DYNC1I1: variants seen among roughly 807,000 people sequenced by gnomAD.
The protein encoded by DYNC1I1 is cytoplasmic dynein 1 intermediate chain 1.
Under a neutral mutation model 86.6 loss-of-function variants are expected in DYNC1I1, and 43 were observed. That is an observed-to-expected ratio of 0.50 (90% CI 0.39 to 0.64). The LOEUF is 0.64. Ranked by LOEUF, DYNC1I1 falls within the 30% of genes least tolerant of loss-of-function variation. The probability of loss-of-function intolerance (pLI) is 0.00; values close to 1 mark genes in which losing one functional copy is unlikely to be tolerated. For missense variants in DYNC1I1, 604 were observed against 788.8 expected, an observed-to-expected ratio of 0.77 and a Z score of 2.81; for synonymous variants, 262 against 283.7, an observed-to-expected ratio of 0.92 and a Z score of 0.77.
Position 95,921,075 on chromosome 7 carries a change from C to G in DYNC1I1, c.490+51077C>G, listed in dbSNP as rs556985658. 1.4e-4 allele frequency among the ~76,000 whole-genome samples: 22 copies of G among 152,276 alleles called. No individual in the cohort carries two copies. The East Asian group carries it at 4.0e-3, about 28-fold the overall frequency. ...GTGCACATTGCTATTAATGTTACAG[C>G]TATGTTCATAAAACCAAGATTGTTA... On this transcript the variant is annotated intron_variant, in intron 6 of 16. Coordinates refer to ENST00000447467, the MANE Select transcript of DYNC1I1 (RefSeq NM_001135556.2).
At chr7:95,824,363 G>A (rs1010450244) in intron 4 of DYNC1I1, among the ~76,000 whole-genome samples, 2 of 151,928 alleles carry the variant, frequency 1.3e-5, no homozygotes, top group African/African-American at 4.8e-5. Flanking sequence ...CTCTGTTACA[G>A]TATTTTGTAT....
At chr7:95,881,811 T>G (rs1725801360) in intron 6 of DYNC1I1, among the ~76,000 whole-genome samples, 3 of 152,246 alleles carry the variant, frequency 2.0e-5, no homozygotes. Flanking sequence ...CCTGATTAAG[T>G]AAGCAGTTTG....
chr7:95,882,414 C>T (rs79679177), intron 6 of DYNC1I1, among the ~76,000 whole-genome samples: 3,648 of 152,146 alleles, frequency 0.024, 120 homozygotes, highest in African/African-American at 0.075. Flanking sequence ...AGAGATGCAC[C>T]ATATTTCTTA....
At chr7:96,081,899 A>G (rs1584307066) in intron 16 of DYNC1I1, among the ~76,000 whole-genome samples, 1 of 121,726 alleles carries the variant, frequency 8.2e-6, no homozygotes, top group Admixed American at 9.0e-5. Flanking sequence ...TCTATTCTGG[A>G]TGCATAATTC....
intron 16 of DYNC1I1, among the ~76,000 whole-genome samples, chr7:96,105,646 C>A (rs1258071509): frequency 6.6e-6 from 1 of 152,134 alleles, no homozygotes; most frequent in Non-Finnish European, 1.5e-5. Flanking sequence ...GTTTTAGTAA[C>A]ATGATTATGC....
chr7:96,014,978 A>G (rs1794367274), intron 10 of DYNC1I1, among the ~76,000 whole-genome samples: 1 of 152,048 alleles, frequency 6.6e-6, no homozygotes, highest in South Asian at 2.1e-4. Context: ...GGATCATTGA[A>G]CACCTTCCTT....
At chr7:96,061,060 C>T (rs140004728) in intron 14 of DYNC1I1, among the ~76,000 whole-genome samples, 22 of 152,178 alleles carry the variant, frequency 1.4e-4, no homozygotes, top group Non-Finnish European at 2.4e-4. Context: ...AGACCCTTTG[C>T]GAGGAGAGAG....
intron 14 of DYNC1I1, among the ~76,000 whole-genome samples, chr7:96,043,785 A>G (rs1340451747): frequency 6.6e-6 from 1 of 151,812 alleles, no homozygotes; most frequent in East Asian, 1.9e-4. Context: ...ATCTCGGCTC[A>G]CTGCAACCTC....
At chr7:96,018,139 G>A (rs1794446340) in intron 10 of DYNC1I1, among the ~76,000 whole-genome samples, 2 of 152,184 alleles carry the variant, frequency 1.3e-5, no homozygotes, top group Non-Finnish European at 2.9e-5. Flanking sequence ...ACTGTAACAG[G>A]CAGGGAGCCC....
chr7:95,867,880 G>A (rs1790055451), intron 5 of DYNC1I1, among the ~76,000 whole-genome samples: 1 of 152,230 alleles, frequency 6.6e-6, no homozygotes, highest in Non-Finnish European at 1.5e-5. Flanking sequence ...GTCCTGCAAT[G>A]TCTTTTCATG....
rs1794915604 is a variant in DYNC1I1 at position 95,814,993 on chromosome 7, G to GC, written c.314+1656_314+1657insC. 3.9e-5 allele frequency among the ~76,000 whole-genome samples: 6 copies of GC among 152,012 alleles called. No homozygotes were observed. The South Asian group carries it at 1.2e-3, about 32-fold the overall frequency. ...ACAATATAATCACATTTCTTGGGGG[G>GC]GGTCCATTGGCCTATCATTAAGTTA... On this transcript the variant is annotated intron_variant, in intron 4 of 16. Coordinates refer to ENST00000447467, the MANE Select transcript of DYNC1I1 (RefSeq NM_001135556.2).
At chr7:95,888,224 C>T (rs1393399248) in intron 6 of DYNC1I1, among the ~76,000 whole-genome samples, 1 of 152,044 alleles carries the variant, frequency 6.6e-6, no homozygotes, top group Non-Finnish European at 1.5e-5. Context: ...ATTGCTTGAG[C>T]CCAGGAATTC....
chr7:95,958,997 AG>A (rs1037101606), intron 6 of DYNC1I1, among the ~76,000 whole-genome samples: 12 of 152,190 alleles, frequency 7.9e-5, no homozygotes, highest in Admixed American at 6.5e-5. Context: ...AATCAAACTG[AG>A]GGGTCAGGGT....
At chr7:95,960,039 G>T (rs552359671) in intron 6 of DYNC1I1, among the ~76,000 whole-genome samples, 1 of 152,320 alleles carries the variant, frequency 6.6e-6, no homozygotes, top group African/African-American at 2.4e-5. Flanking sequence ...GATCACAGGA[G>T]ATCATATATT....
In DYNC1I1 at chr7:96,098,217, A is replaced by G. The variant is rs1350773296; in HGVS notation, c.*624A>G. On this transcript the variant is annotated 3_prime_UTR_variant, in exon 17 of 17. Transcript: ENST00000447467. ...ATATTAAGTTCCACATAGCAATTACAGTATGCCAGTTCCACTGAAGACATG... is the reference window on the plus strand; with the variant it reads ...ATATTAAGTTCCACATAGCAATTACGGTATGCCAGTTCCACTGAAGACATG... 1.0e-5 allele frequency: 10 copies of G among 985,812 alleles called. No homozygotes were observed. The African/African-American group carries it at 1.7e-4, about 17-fold the overall frequency. 61.1% of individuals were successfully genotyped at this position (985,812 alleles called of 1,614,324 possible). A position where few individuals can be genotyped will look rare whatever the true frequency, so the allele number is the denominator to read the frequency against.
intron 10 of DYNC1I1, 56 bp from the exon 11 acceptor site, chr7:96,028,119 G>C: frequency 3.8e-6 from 6 of 1,578,442 alleles, no homozygotes; most frequent in Non-Finnish European, 5.2e-6. Context: ...GAAGAAACAA[G>C]TCACCTACAA....
chr7:95,918,884 A>G (rs936939685), intron 6 of DYNC1I1, among the ~76,000 whole-genome samples: 17 of 152,340 alleles, frequency 1.1e-4, no homozygotes, highest in Admixed American at 5.9e-4. Context: ...CCCAGAATTC[A>G]TGACTTTTCC....
In DYNC1I1 at chr7:95,977,508, C is replaced by T. The variant is rs546530856; in HGVS notation, c.491-4C>T. ...TATTGTATTTTTCTCTTTCTTTTTT[C>T]TAGAGGATGAGGAAGATGAGGAAAT... On this transcript the variant is annotated splice_region_variant and splice_polypyrimidine_tract_variant and intron_variant, in intron 6 of 16. Transcript: ENST00000447467. The T allele has an allele frequency of 6.2e-7, 1 of 1,608,758 alleles. No individual in the cohort carries two copies. The highest frequency in any genetic ancestry group is 1.3e-5 in the African/African-American group (1 of 74,482).
At chr7:95,910,747 A>G (rs749415677) in intron 6 of DYNC1I1, among the ~76,000 whole-genome samples, 10 of 152,208 alleles carry the variant, frequency 6.6e-5, no homozygotes, top group Non-Finnish European at 1.3e-4. Flanking sequence ...AGTTACATGA[A>G]CTTTGAAAGT....
Sources: gnomAD v4.1 joint callset for allele counts (sites outside exome capture counted in the v4.1 genomes callset) on GRCh38, gnomAD v4.1.1 for gene constraint, MANE v1.5 for transcripts, NCBI Gene and HGNC (gene_info 2026-07-23, HGNC 2026-07-21) for gene names.